JHY: variants seen among roughly 807,000 people sequenced by gnomAD.
JHY encodes the protein jhy protein homolog.
JHY carries 69 observed loss-of-function variants against 78.0 expected under a neutral mutation model. That is an observed-to-expected ratio of 0.88 (90% CI 0.73 to 1.08). The LOEUF is 1.08. JHY is among the 50% of genes least tolerant of loss of function. JHY has a pLI of 0.00. For missense variants in JHY, 944 were observed against 927.8 expected, an observed-to-expected ratio of 1.02 and a Z score of -0.23; for synonymous variants, 368 against 342.6, an observed-to-expected ratio of 1.07 and a Z score of -0.82.
At chr11:122,951,813 G>T (rs921591004) in intron 6 of JHY, among the ~76,000 whole-genome samples, 2 of 152,148 alleles carry the variant, frequency 1.3e-5, no homozygotes, top group African/African-American at 2.4e-5. Flanking sequence ...GTGCAGAGGG[G>T]CTGGTCTGGC....
At chr11:122,956,218 C>A (rs1864187344) in intron 6 of JHY, among the ~76,000 whole-genome samples, 1 of 151,674 alleles carries the variant, frequency 6.6e-6, no homozygotes, top group African/African-American at 2.4e-5. Context: ...AGCTTGAAAA[C>A]TTTTATTTGT....
Position 122,911,227 on chromosome 11 carries a change from C to G in JHY, c.864+6783C>G, listed in dbSNP as rs908783915. 1.8e-4 allele frequency among the ~76,000 whole-genome samples: 28 copies of G among 152,156 alleles called. 2 individuals are homozygous for G. The highest frequency in any genetic ancestry group is 7.3e-5 in the Non-Finnish European group (5 of 68,034). Reference sequence around the variant, plus strand: ...GGTTCAGAAAAGAGTTAGAAATGCTCTATACATGTTATTTGACTTTTTCCT... The same window carrying G: ...GGTTCAGAAAAGAGTTAGAAATGCTGTATACATGTTATTTGACTTTTTCCT... On this transcript the variant is annotated intron_variant, in intron 3 of 8. Coordinates refer to ENST00000227349, the MANE Select transcript of JHY (RefSeq NM_024806.4).
In JHY at chr11:122,961,724, A is replaced by G. The variant is rs570459502; in HGVS notation, c.*2279A>G. ...GTGCCTGACTAAAGATTACCAGGTT[A>G]TAGTTTAAATTTGTAATTAATTCTA... On this transcript the variant is annotated 3_prime_UTR_variant, in exon 9 of 9. Coordinates refer to ENST00000227349, the MANE Select transcript of JHY (RefSeq NM_024806.4). Among the ~76,000 whole-genome samples, 1 of 152,334 alleles carries G rather than the reference A, an allele frequency of 6.6e-6. No individual in the cohort carries two copies. The highest frequency in any genetic ancestry group is 2.1e-4 in the South Asian group (1 of 4,820).
intron 5 of JHY, among the ~76,000 whole-genome samples, chr11:122,938,698 A>T (rs922605703): frequency 6.6e-6 from 1 of 152,078 alleles, no homozygotes; most frequent in Non-Finnish European, 1.5e-5. Flanking sequence ...TCTCATGATC[A>T]AGTATGAGGG....
chr11:122,940,212 C>T (rs543367067), intron 5 of JHY, among the ~76,000 whole-genome samples: 21 of 152,104 alleles, frequency 1.4e-4, no homozygotes, highest in Admixed American at 5.9e-4. Flanking sequence ...GTGGCAGGCT[C>T]CTGTAGTCCC....
chr11:122,950,877 C>A (rs537367228), intron 6 of JHY, among the ~76,000 whole-genome samples: 2 of 152,340 alleles, frequency 1.3e-5, no homozygotes, highest in East Asian at 1.9e-4. Context: ...ATCTTTCCAA[C>A]TGGGGACATC....
At chr11:122,949,503 C>T (rs1460262755) in intron 6 of JHY, among the ~76,000 whole-genome samples, 2 of 152,114 alleles carry the variant, frequency 1.3e-5, no homozygotes, top group African/African-American at 4.8e-5. Context: ...CTGGATCAGG[C>T]AGCAAGAGAT....
intron 3 of JHY, among the ~76,000 whole-genome samples, chr11:122,924,645 A>G (rs143428619): frequency 3.9e-5 from 6 of 152,310 alleles, no homozygotes; most frequent in African/African-American, 1.4e-4. Flanking sequence ...TGTATTGAGC[A>G]TGTAAAGTAA....
chr11:122,924,858 G>T (rs754598838), intron 3 of JHY, 39 bp from the exon 4 acceptor site: 10 of 1,515,958 alleles, frequency 6.6e-6, no homozygotes, highest in Non-Finnish European at 9.1e-6. Context: ...AGACTAAAAT[G>T]AATCCAGTTA....
chr11:122,932,173 C>T (rs1863650279), intron 4 of JHY, among the ~76,000 whole-genome samples: 1 of 152,078 alleles, frequency 6.6e-6, no homozygotes, highest in African/African-American at 2.4e-5. Flanking sequence ...ACCTGATGCC[C>T]CAATTGTAGG....
rs781290953 is a variant in JHY, at chr11:122,904,300, G to GC, written c.722dup (p.Ser243IlefsTer37). 8 of 1,614,126 alleles carry GC rather than the reference G, an allele frequency of 5.0e-6. No individual in the cohort carries two copies. The highest frequency in any genetic ancestry group is 5.9e-6 in the Non-Finnish European group (7 of 1,180,028). ...CAAGTTCACATAACGAGGTTTTCCTGCCGGGATCACGTGGCCCTCGGCGAA... is the reference window on the plus strand; with the variant it reads ...CAAGTTCACATAACGAGGTTTTCCTGCCCGGGATCACGTGGCCCTCGGCGAA... On this transcript the variant is annotated frameshift_variant, in exon 3 of 9. Transcript: ENST00000227349. LOFTEE classifies it high-confidence loss of function.
intron 6 of JHY, among the ~76,000 whole-genome samples, chr11:122,949,831 CTTTCTTTTCTTTTT>C (rs1280627425): frequency 2.6e-4 from 37 of 141,360 alleles, no homozygotes; most frequent in Non-Finnish European, 4.9e-4. Flanking sequence ...TTTTTCTTTT[CTTTCTTTTCTTTTT>C]TTTTTTTTTG....
intron 3 of JHY, among the ~76,000 whole-genome samples, chr11:122,911,806 G>A (rs191312177): frequency 1.6e-3 from 238 of 149,282 alleles, no homozygotes; most frequent in Non-Finnish European, 2.4e-3. Context: ...TCAGGAGGCT[G>A]AGGCAGGAGA....
chr11:122,947,887 G>A (rs530606819), intron 6 of JHY, among the ~76,000 whole-genome samples: 33 of 152,218 alleles, frequency 2.2e-4, no homozygotes, highest in African/African-American at 7.7e-4. Flanking sequence ...GTGGCCCTTC[G>A]AAGGCAAGGG....
At position 122,960,656 on chromosome 11, in the gene JHY, A is replaced by T. The variant is rs1310799809; in HGVS notation, c.*1211A>T. ...TTTCTACTATATCAATAGTAGGGTT[A>T]CTTGTCTATGTAATTTAAAAATATG... On this transcript the variant is annotated 3_prime_UTR_variant, in exon 9 of 9. Coordinates refer to ENST00000227349, the MANE Select transcript of JHY (RefSeq NM_024806.4). 3 of 365,558 alleles carry T rather than the reference A, an allele frequency of 8.2e-6. No individual in the cohort carries two copies. Among genetic ancestry groups the T allele is most frequent in the Non-Finnish European group, 1.7e-5 (3 of 181,364 alleles). The allele number at this position is 365,558 out of a possible 1,614,324, so 22.6% of individuals were successfully genotyped here.
intron 4 of JHY, 71 bp from the exon 5 acceptor site, chr11:122,934,349 T>TTA: frequency 1.9e-4 from 142 of 742,036 alleles, no homozygotes; most frequent in Non-Finnish European, 2.4e-4. Context: ...AATAAATAAA[T>TTA]AAATAATAAA....
In JHY at chr11:122,935,067, A is replaced by T. The variant is rs1426404047; in HGVS notation, c.1626A>T (p.Glu542Asp). 6.4e-7 allele frequency: 1 copy of T among 1,567,180 alleles called. No individual in the cohort carries two copies. Among genetic ancestry groups the T allele is most frequent in the Non-Finnish European group, 8.6e-7 (1 of 1,160,072 alleles). The change falls in exon 5 of 9, where the codon GAA (glutamate) becomes GAT (aspartate). Residue 542 changes from glutamate to aspartate, a missense_variant. Glu to Asp is a conservative substitution (Grantham distance 45, BLOSUM62 2). Coordinates refer to ENST00000227349, the MANE Select transcript of JHY (RefSeq NM_024806.4). This position sits in a 1 kb window ranked among gnomAD's most constrained non-coding sequence, Gnocchi z 4.5. ...PYTETKYRNLEMLWKFHSSSD... is the reference protein window; with the variant it reads ...PYTETKYRNLDMLWKFHSSSD... ...CAGAGACAAAATACAGGAACTTAGA[A>T]ATGTTATGGTAAGAATTCCCTTTTC...
rs571482464 is a variant in JHY, at chr11:122,922,809, C to CAAAAAAAAAA, written c.865-2070_865-2061dup. ...TGGGCAACAGAGCGAGACTCCGTCT[C>CAAAAAAAAAA]AAAAAAAAAAAAAAAAAAAAAAAAA... On this transcript the variant is annotated intron_variant, in intron 3 of 8. Coordinates refer to ENST00000227349, the MANE Select transcript of JHY (RefSeq NM_024806.4). Among the ~76,000 whole-genome samples the CAAAAAAAAAA allele has an allele frequency of 8.8e-4, 39 of 44,360 alleles. 2 individuals are homozygous for CAAAAAAAAAA. Among genetic ancestry groups the CAAAAAAAAAA allele is most frequent in the African/African-American group, 1.7e-3 (38 of 22,190 alleles). The allele number at this position is 44,360 out of a possible 152,430, so 29.1% of individuals were successfully genotyped here. A position where few individuals can be genotyped will look rare whatever the true frequency, so the allele number is the denominator to read the frequency against.
chr11:122,959,105 G>A (rs7107012), intron 8 of JHY, 143 bp from the exon 9 acceptor site: 755,977 of 1,378,814 alleles, frequency 0.55, 210,519 homozygotes, highest in Middle Eastern at 0.59. Context: ...ATATTGCATT[G>A]TTTGATCTCC....
Sources: allele counts gnomAD v4.1 joint callset (sites outside exome capture counted in the v4.1 genomes callset), GRCh38; gene constraint gnomAD v4.1.1; non-coding constraint Gnocchi (gnomAD v3.1); transcripts MANE v1.5; gene names NCBI Gene and HGNC (gene_info 2026-07-23, HGNC 2026-07-21).